Variants in ANKRD17 observed in about 807,000 individuals in gnomAD.
ANKRD17 encodes ankyrin repeat domain 17.
Under a neutral mutation model 229.7 loss-of-function variants are expected in ANKRD17, and 19 were observed. The ratio of observed to expected loss-of-function variants is 0.08; its 90% CI spans 0.06 to 0.12. The LOEUF is 0.12. Ranked by LOEUF, ANKRD17 falls within the 10% of genes least tolerant of loss-of-function variation. The probability of loss-of-function intolerance (pLI) is 1.00; values close to 1 mark genes in which losing one functional copy is unlikely to be tolerated. For missense variants in ANKRD17, 2,176 were observed against 3,176.8 expected (o/e 0.68, Z 7.57); for synonymous variants, 1,112 against 1,146.1 (o/e 0.97, Z 0.60).
chr4:73,125,892 C>T (rs1727398913), intron 16 of ANKRD17, among the ~76,000 whole-genome samples: 1 of 152,032 alleles, frequency 6.6e-6, no homozygotes, highest in South Asian at 2.1e-4. Context: ...TTAACTTTTG[C>T]TTTCAGCCAT....
At chr4:73,141,657 T>G in intron 14 of ANKRD17, 84 bp downstream of exon 14, 1 of 1,313,576 alleles carries the variant, frequency 7.6e-7, no homozygotes, top group Non-Finnish European at 1.1e-6. Context: ...GTAAACTTCT[T>G]TGTTTGTAGA....
At position 73,185,630 on chromosome 4, in the gene ANKRD17, T is replaced by G. The variant is rs938783956; in HGVS notation, c.394-8097A>C. Among the ~76,000 whole-genome samples, 38 of 152,206 alleles carry G rather than the reference T, an allele frequency of 2.5e-4. 1 individual carries two copies. The highest frequency in any genetic ancestry group is 3.4e-3 in the Middle Eastern group (1 of 292). On this transcript the variant is annotated intron_variant, in intron 1 of 33. Transcript: ENST00000358602. Reference sequence around the variant, plus strand: ...TTGATTTTTAGGACCAATTTAGACATTTCAGTAACATAAAATGGGTTTACA... The same window carrying G: ...TTGATTTTTAGGACCAATTTAGACAGTTCAGTAACATAAAATGGGTTTACA...
intron 1 of ANKRD17, among the ~76,000 whole-genome samples, chr4:73,243,367 T>C (rs1360342277): frequency 6.6e-6 from 1 of 152,114 alleles, no homozygotes; most frequent in Non-Finnish European, 1.5e-5. Context: ...ACTATGAAGT[T>C]CAAGTAAGAA....
rs577558532 is a variant in ANKRD17 at position 73,148,970 on chromosome 4, T to C, written c.1410A>G (p.Pro470=). 1.6e-5 allele frequency: 26 copies of C among 1,612,960 alleles called. No homozygotes were observed. In the South Asian group the frequency reaches 2.4e-4, roughly 15 times the overall value. Residue 470 remains proline (P), a synonymous_variant, in exon 8 of 34, where the codon CCA becomes CCG. Transcript: ENST00000358602. ...VNMPADSFES[P]LTLAACGGHV... ...GCCCACCACATGCAGCCAAAGTTAA[T>C]GGTGACTCAAATGAATCAGCAGGCA...
At chr4:73,258,133 G>C in intron 1 of ANKRD17, 143 bp downstream of exon 1, 5 of 1,422,150 alleles carry the variant, frequency 3.5e-6, no homozygotes, top group South Asian at 1.4e-5. Context: ...GATTTAGGCC[G>C]AGGGAAGAAA....
chr4:73,169,721 C>G (rs1733719764), intron 2 of ANKRD17, among the ~76,000 whole-genome samples: 2 of 152,150 alleles, frequency 1.3e-5, no homozygotes, highest in Admixed American at 1.3e-4. Flanking sequence ...TCCCTAATCC[C>G]CTAGCAGCTC....
chr4:73,157,531 GGGC>G (rs2148894703), intron 3 of ANKRD17, among the ~76,000 whole-genome samples: 1 of 152,108 alleles, frequency 6.6e-6, no homozygotes, highest in African/African-American at 2.4e-5. Context: ...ACTAAATCCA[GGGC>G]TATTAATATT....
intron 1 of ANKRD17, among the ~76,000 whole-genome samples, chr4:73,229,463 A>G (rs1331554466): frequency 3.3e-5 from 5 of 152,176 alleles, no homozygotes; most frequent in Admixed American, 6.5e-5. Context: ...ATCCAGATTT[A>G]TTCTTAGTTC....
chr4:73,125,173 C>T (rs1486366433), intron 17 of ANKRD17, 28 bp downstream of exon 17: 1 of 1,589,412 alleles, frequency 6.3e-7, no homozygotes, highest in Non-Finnish European at 8.5e-7. Context: ...ACCAGTATTC[C>T]AAAAAATAAA....
intron 1 of ANKRD17, among the ~76,000 whole-genome samples, chr4:73,207,492 T>A (rs1286136527): frequency 4.6e-5 from 7 of 152,104 alleles, no homozygotes. Flanking sequence ...ACAGTTTGTA[T>A]AAAAAGGCAA....
chr4:73,103,223 C>T (rs1724216273), intron 24 of ANKRD17, among the ~76,000 whole-genome samples: 1 of 151,444 alleles, frequency 6.6e-6, no homozygotes, highest in Non-Finnish European at 1.5e-5. Flanking sequence ...AAAAAAGGCA[C>T]ACTGAAGACT....
chr4:73,225,973 CTTT>C (rs754977999), intron 1 of ANKRD17, among the ~76,000 whole-genome samples: 1,038 of 92,512 alleles, frequency 0.011, 8 homozygotes, highest in Middle Eastern at 0.052. Flanking sequence ...GGCTCTTAAG[CTTT>C]TTTTTTTTTT....
chr4:73,144,679 A>C, intron 11 of ANKRD17, 66 bp downstream of exon 11: 2 of 1,112,934 alleles, frequency 1.8e-6, no homozygotes, highest in East Asian at 5.2e-5. Context: ...CTTTACCCTT[A>C]AATCTCTAAA....
chr4:73,156,293 G>A lies in ANKRD17; in HGVS notation c.705-127C>T. On this transcript the variant is annotated intron_variant, in intron 3 of 33. Coordinates refer to ENST00000358602, the MANE Select transcript of ANKRD17 (RefSeq NM_032217.5). Reference sequence around the variant, plus strand: ...CGGAGTCTTGCTCTGTCACCCAGGAGGGGGTACAGTGATGCAATCAGCTCA... The same window carrying A: ...CGGAGTCTTGCTCTGTCACCCAGGAAGGGGTACAGTGATGCAATCAGCTCA... 4 of 1,173,350 alleles carry A rather than the reference G, an allele frequency of 3.4e-6. No individual in the cohort carries two copies. The Admixed American group carries it at 9.6e-5, about 28-fold the overall frequency. 72.7% of individuals were successfully genotyped at this position (1,173,350 alleles called of 1,614,324 possible). A position where few individuals can be genotyped will look rare whatever the true frequency, so the allele number is the denominator to read the frequency against.
rs148792097 is a variant in ANKRD17 at position 73,154,046 on chromosome 4, G to A, written c.1068C>T (p.Ser356=). ...CATTATGGTCCTCAATACTAGCACC[G>A]GATTCCAAGAGCACCTTTACAACAT... ...YVDVVKVLLE[S]GASIEDHNEN... is the part of the protein sequence containing the mutation. Residue 356 remains serine (S), a synonymous_variant, in exon 6 of 34, where the codon TCC becomes TCT. Coordinates refer to ENST00000358602, the MANE Select transcript of ANKRD17 (RefSeq NM_032217.5). The A allele has an allele frequency of 7.9e-5, 127 of 1,611,970 alleles. No individual in the cohort carries two copies. The highest frequency in any genetic ancestry group is 6.5e-4 in the African/African-American group (49 of 74,814).
chr4:73,239,869 C>T (rs1578496822), intron 1 of ANKRD17, among the ~76,000 whole-genome samples: 2 of 152,118 alleles, frequency 1.3e-5, no homozygotes, highest in South Asian at 4.2e-4. Flanking sequence ...ATATTACCCC[C>T]TCAATAGAAT....
rs189493800 is a variant in ANKRD17 at position 73,106,199 on chromosome 4, G to A, written c.4402-3652C>T. 1.6e-3 allele frequency among the ~76,000 whole-genome samples: 249 copies of A among 152,038 alleles called. 1 individual carries two copies. The Middle Eastern group carries it at 0.024, about 15-fold the overall frequency. On this transcript the variant is annotated intron_variant, in intron 24 of 33. Coordinates refer to ENST00000358602, the MANE Select transcript of ANKRD17 (RefSeq NM_032217.5). The stretch of plus-strand genomic sequence containing the variant: ...ACGGAGCTTGCAGTGAGCCGAGATC[G>A]CGCCACTGCACTCCAGCCTGGGCAA...
intron 31 of ANKRD17, among the ~76,000 whole-genome samples, 181 bp downstream of exon 31, chr4:73,078,461 C>T (rs370608133): frequency 5.3e-5 from 8 of 151,792 alleles, no homozygotes; most frequent in East Asian, 3.9e-4. Flanking sequence ...TCGCTTGAAC[C>T]GGGGAGGTGG....
chr4:73,143,591 A>C (rs190305826), intron 11 of ANKRD17, among the ~76,000 whole-genome samples: 1 of 152,358 alleles, frequency 6.6e-6, no homozygotes, highest in East Asian at 1.9e-4. Context: ...GCATATCACC[A>C]GTGCATGGGA....
Sources: gnomAD v4.1 joint callset for allele counts (sites outside exome capture counted in the v4.1 genomes callset) on GRCh38, gnomAD v4.1.1 for gene constraint, MANE v1.5 for transcripts, NCBI Gene and HGNC (gene_info 2026-07-23, HGNC 2026-07-21) for gene names.